The following CFAP299 variants were observed in gnomAD, a reference collection of about 807,000 sequenced individuals.
CFAP299 encodes the protein cilia and flagella associated protein 299, also known as cilia- and flagella-associated protein 299.
Under a neutral mutation model 27.0 loss-of-function variants are expected in CFAP299, and 21 were observed. The ratio of observed to expected loss-of-function variants is 0.78; its 90% CI spans 0.55 to 1.12. The LOEUF (loss-of-function observed/expected upper bound fraction) is 1.12. Ranked by LOEUF, CFAP299 falls within the 50% of genes most tolerant of loss-of-function variation. CFAP299 has a pLI of 0.00. For synonymous variants in CFAP299, 104 were observed against 98.1 expected, an observed-to-expected ratio of 1.06 and a Z score of -0.36; for missense variants, 310 against 276.6, an observed-to-expected ratio of 1.12 and a Z score of -0.86.
intron 2 of CFAP299, among the ~76,000 whole-genome samples, chr4:80,540,706 A>T (rs1411858535): frequency 6.6e-6 from 1 of 152,226 alleles, no homozygotes; most frequent in African/African-American, 2.4e-5. Context: ...TCCAACCAGA[A>T]GGATGAAGTA....
chr4:80,826,765 G>A (rs1730011451), intron 3 of CFAP299, among the ~76,000 whole-genome samples: 1 of 151,834 alleles, frequency 6.6e-6, no homozygotes, highest in Non-Finnish European at 1.5e-5. Flanking sequence ...ATTTTCCTAA[G>A]TGCATGTGGG....
chr4:80,839,463 G>A (rs535441135), intron 3 of CFAP299, among the ~76,000 whole-genome samples: 34 of 152,182 alleles, frequency 2.2e-4, no homozygotes, highest in Admixed American at 8.5e-4. Flanking sequence ...TCAAGAGACC[G>A]AAAGGTTTGG....
intron 2 of CFAP299, among the ~76,000 whole-genome samples, chr4:80,528,427 G>A (rs953230324): frequency 9.9e-5 from 15 of 152,038 alleles, no homozygotes; most frequent in African/African-American, 1.9e-4. Flanking sequence ...TCATAATGTG[G>A]TAGGCATCAG....
At chr4:80,473,257 G>A (rs1027079278) in intron 2 of CFAP299, among the ~76,000 whole-genome samples, 2 of 152,114 alleles carry the variant, frequency 1.3e-5, no homozygotes, top group African/African-American at 2.4e-5. Flanking sequence ...CGATCAGCCA[G>A]GCGAGGATCA....
chr4:80,933,832 G>T (rs1736752927), intron 4 of CFAP299, among the ~76,000 whole-genome samples: 1 of 152,050 alleles, frequency 6.6e-6, no homozygotes. Flanking sequence ...TTTTGGTCAA[G>T]TCAGTAAGGG....
At chr4:80,933,165 CCTTT>C (rs569206836) in intron 4 of CFAP299, among the ~76,000 whole-genome samples, 4,269 of 149,246 alleles carry the variant, frequency 0.029, 140 homozygotes, top group East Asian at 0.15. Flanking sequence ...TCTTTCCTTT[CCTTT>C]CTTTCTTTCT....
chr4:80,825,570 A>G (rs1729939853), intron 3 of CFAP299, among the ~76,000 whole-genome samples: 1 of 151,996 alleles, frequency 6.6e-6, no homozygotes, highest in Non-Finnish European at 1.5e-5. Context: ...GAAACTTTTG[A>G]GGTCAGAAGG....
intron 2 of CFAP299, among the ~76,000 whole-genome samples, chr4:80,501,478 C>A (rs1731739419): frequency 6.8e-6 from 1 of 146,502 alleles, no homozygotes; most frequent in Admixed American, 6.8e-5. Flanking sequence ...TATAATTATA[C>A]ATTTTTATTT....
chr4:80,925,858 A>C (rs1357296029), intron 4 of CFAP299, among the ~76,000 whole-genome samples: 1 of 152,100 alleles, frequency 6.6e-6, no homozygotes, highest in African/African-American at 2.4e-5. Flanking sequence ...GTGCTGCAGT[A>C]AGTTCTAGAA....
intron 3 of CFAP299, among the ~76,000 whole-genome samples, chr4:80,739,461 T>TTTTG (rs895782983): frequency 6.6e-6 from 1 of 152,082 alleles, no homozygotes; most frequent in Non-Finnish European, 1.5e-5. Context: ...CATTTTTTGT[T>TTTTG]TTTGTTTGTT....
intron 2 of CFAP299, among the ~76,000 whole-genome samples, chr4:80,525,703 C>G (rs920206615): frequency 1.3e-5 from 2 of 152,140 alleles, no homozygotes; most frequent in African/African-American, 4.8e-5. Flanking sequence ...CTTTCAGATC[C>G]TTGGCTTCCT....
chr4:80,684,842 T>A (rs527958268), intron 3 of CFAP299, among the ~76,000 whole-genome samples: 1 of 152,178 alleles, frequency 6.6e-6, no homozygotes, highest in African/African-American at 2.4e-5. Flanking sequence ...AGCCTACTTA[T>A]ACAGTCTCAA....
chr4:80,344,092 G>A (rs1026733317), intron 1 of CFAP299, among the ~76,000 whole-genome samples: 1 of 152,010 alleles, frequency 6.6e-6, no homozygotes, highest in Non-Finnish European at 1.5e-5. Flanking sequence ...AAGAACCAGA[G>A]TACCAAGAGC....
intron 2 of CFAP299, among the ~76,000 whole-genome samples, chr4:80,385,851 G>A (rs1216758497): frequency 6.6e-6 from 1 of 152,226 alleles, no homozygotes; most frequent in Non-Finnish European, 1.5e-5. Flanking sequence ...GAACTGCCCT[G>A]TCTTCTCTCC....
intron 2 of CFAP299, among the ~76,000 whole-genome samples, chr4:80,560,135 G>A (rs72863120): frequency 0.077 from 11,633 of 152,004 alleles, 660 homozygotes; most frequent in East Asian, 0.26. Context: ...TATGATACCA[G>A]CTCAGCCACA....
At chr4:80,387,506 G>T in intron 2 of CFAP299, 1 of 821,458 alleles carries the variant, frequency 1.2e-6, no homozygotes, top group Non-Finnish European at 2.1e-6. Flanking sequence ...CAGGCCTGGA[G>T]CTGTGGCGAG....
At chr4:80,714,769 C>G (rs1722380740) in intron 3 of CFAP299, among the ~76,000 whole-genome samples, 1 of 151,932 alleles carries the variant, frequency 6.6e-6, no homozygotes, top group South Asian at 2.1e-4. Context: ...GTAAGCATCC[C>G]AGAACTTGGA....
chr4:80,923,635 C>T (rs1166854618), intron 4 of CFAP299, among the ~76,000 whole-genome samples: 1 of 152,012 alleles, frequency 6.6e-6, no homozygotes, highest in African/African-American at 2.4e-5. Flanking sequence ...ACGATAGCTG[C>T]CACTATGGTG....
At chr4:80,590,561 C>T (rs1456833965) in intron 3 of CFAP299, among the ~76,000 whole-genome samples, 8 of 152,012 alleles carry the variant, frequency 5.3e-5, no homozygotes, top group Non-Finnish European at 7.4e-5. Context: ...TGTTTGAACC[C>T]GGGAGGCGGA....
Sources: allele counts gnomAD v4.1 joint callset (sites outside exome capture counted in the v4.1 genomes callset), GRCh38; gene constraint gnomAD v4.1.1; transcripts MANE v1.5; gene names NCBI Gene and HGNC (gene_info 2026-07-23, HGNC 2026-07-21).